The following VSIG10L2 variants were observed in gnomAD, a reference collection of about 807,000 sequenced individuals.
VSIG10L2 encodes the protein V-set and immunoglobulin domain-containing protein 10-like 2.
In VSIG10L2, 56 loss-of-function variants were observed where a neutral mutation model predicts 67.1. The observed-to-expected ratio is 0.83, with a 90% CI of 0.67 to 1.04. The LOEUF is 1.04. Among genes scored for constraint, VSIG10L2 ranks in the 50% least tolerant of loss-of-function variants. The probability of loss-of-function intolerance (pLI) is 0.00; values close to 1 mark genes in which losing one functional copy is unlikely to be tolerated. For missense variants in VSIG10L2, 843 were observed against 932.8 expected (o/e 0.90, Z 1.25); for synonymous variants, 360 against 396.6 (o/e 0.91, Z 1.10).
In VSIG10L2 at chr11:125,951,157, C is replaced by T. The variant is rs960228994; in HGVS notation, c.1233C>T (p.Leu411=). The change falls in exon 5 of 12, where the codon CTC becomes CTT. Residue 411 remains leucine (L), a splice_region_variant and synonymous_variant. Coordinates refer to ENST00000686984, the MANE Select transcript of VSIG10L2 (RefSeq NM_001365077.2). ...LAPPALCTVM[L]WEPLGRPTCW... is the part of the protein sequence containing the mutation. ...CGCCTGCCCTCTGCACAGTCATGCTCTGTGAGTGGACACAGGAAACCCCAG... is the reference window on the plus strand; with the variant it reads ...CGCCTGCCCTCTGCACAGTCATGCTTTGTGAGTGGACACAGGAAACCCCAG... 3 of 1,232,718 alleles carry T rather than the reference C, an allele frequency of 2.4e-6. No homozygotes were observed. In the African/African-American group the frequency reaches 4.7e-5, roughly 19 times the overall value. The allele number at this position is 1,232,718 out of a possible 1,614,324, so 76.4% of individuals were successfully genotyped here. A position where few individuals can be genotyped will look rare whatever the true frequency, so the allele number is the denominator to read the frequency against.
intron 8 of VSIG10L2, among the ~76,000 whole-genome samples, chr11:125,954,765 C>T (rs941372314): frequency 6.6e-6 from 1 of 152,220 alleles, no homozygotes; most frequent in South Asian, 2.1e-4. Context: ...CCTGATTTTA[C>T]GGCATGCTCC....
At chr11:125,954,009 A>T in intron 7 of VSIG10L2, 78 bp from the exon 8 acceptor site, 2 of 1,178,918 alleles carry the variant, frequency 1.7e-6, no homozygotes, top group Non-Finnish European at 2.1e-6. Flanking sequence ...CTGTCTCTTG[A>T]CAGGAGCAAA....
rs1945318543 is a variant in VSIG10L2 at position 125,947,918 on chromosome 11, C to T, written c.315C>T (p.Ser105=). 1 of 1,232,326 alleles carries T rather than the reference C, an allele frequency of 8.1e-7. No homozygotes were observed. Among genetic ancestry groups the T allele is most frequent in the Non-Finnish European group, 1.0e-6 (1 of 988,084 alleles). The allele number at this position is 1,232,326 out of a possible 1,614,324, so 76.3% of individuals were successfully genotyped here. Residue 105 remains serine (S), a synonymous_variant, in exon 2 of 12, where the codon AGC becomes AGT. Transcript: ENST00000686984. ...TGGGAGTCGTGAGTCTGAGGAACAG[C>T]AGCCTGGTGCTGGGGGAGCTTCACG... The part of the protein sequence containing the change: ...SALGVVSLRN[S]SLVLGELHEG...
In VSIG10L2 at chr11:125,946,855, T is replaced by C. The variant is rs367964338; in HGVS notation, c.82+718T>C. Among the ~76,000 whole-genome samples the C allele has an allele frequency of 8.5e-5, 13 of 152,308 alleles. No individual in the cohort carries two copies. In the East Asian group the frequency reaches 1.5e-3, roughly 18 times the overall value. On this transcript the variant is annotated intron_variant, in intron 1 of 11. Coordinates refer to ENST00000686984, the MANE Select transcript of VSIG10L2 (RefSeq NM_001365077.2). The surrounding 1 kb of genome is among the most constrained non-coding windows in gnomAD (Gnocchi z 4.4). ...GCCCGGCCCCAGAGACTTACTTTCA[T>C]GCAAATTTGCTGAGGTCCTCAGCAC...
At chr11:125,948,650 C>G (rs1301889051) in intron 3 of VSIG10L2, 70 bp downstream of exon 3, 1 of 1,222,456 alleles carries the variant, frequency 8.2e-7, no homozygotes, top group African/African-American at 1.6e-5. Flanking sequence ...CAGCCTTCCA[C>G]ACCTCAGAAC....
intron 7 of VSIG10L2, 67 bp downstream of exon 7, chr11:125,953,757 C>T (rs1027119953): frequency 3.3e-6 from 4 of 1,220,342 alleles, no homozygotes; most frequent in Non-Finnish European, 4.1e-6. Context: ...CCACAGAGTG[C>T]TTTAAGTGGA....
rs1034378541 is a variant in VSIG10L2, at chr11:125,951,129, C to T, written c.1205C>T (p.Ala402Val). The change falls in exon 5 of 12, where the codon GCA (alanine) becomes GTA (valine). Residue 402 changes from alanine to valine, a missense_variant. Around this residue, in one of 2 missense-constraint regions of VSIG10L2, gnomAD observed 446 missense variants for 548.4 expected, o/e 0.81. Coordinates refer to ENST00000686984, the MANE Select transcript of VSIG10L2 (RefSeq NM_001365077.2). ...TGCACTGGCCAGCACCCAGCCCTGG[C>T]ACCGCCTGCCCTCTGCACAGTCATG... The part of the protein sequence containing the change: ...FTCTGQHPAL[A>V]PPALCTVMLW... The T allele has an allele frequency of 2.0e-5, 25 of 1,232,996 alleles. No homozygotes were observed. In the Admixed American group the frequency reaches 7.2e-4, roughly 35 times the overall value. 76.4% of individuals were successfully genotyped at this position (1,232,996 alleles called of 1,614,324 possible).
Position 125,946,599 on chromosome 11 carries a change from G to A in VSIG10L2, c.82+462G>A, listed in dbSNP as rs569699101. On this transcript the variant is annotated intron_variant, in intron 1 of 11. Coordinates refer to ENST00000686984, the MANE Select transcript of VSIG10L2 (RefSeq NM_001365077.2). This position sits in a 1 kb window ranked among gnomAD's most constrained non-coding sequence, Gnocchi z 4.4. ...GTCACCCAGGCTGGAGTGCAGTGGT[G>A]TGATCTCGGCTCACTGCAACCTCTG... 5.3e-4 allele frequency among the ~76,000 whole-genome samples: 80 copies of A among 151,220 alleles called. No individual in the cohort carries two copies. Among genetic ancestry groups the A allele is most frequent in the Non-Finnish European group, 1.0e-3 (70 of 67,842 alleles).
At position 125,955,106 on chromosome 11, in the gene VSIG10L2, G is replaced by A. The variant is rs542417258; in HGVS notation, c.2133G>A (p.Thr711=). 427 of 1,238,944 alleles carry A rather than the reference G, an allele frequency of 3.4e-4. No individual in the cohort carries two copies. The highest frequency in any genetic ancestry group is 4.1e-4 in the Non-Finnish European group (404 of 992,386). 76.7% of individuals were successfully genotyped at this position (1,238,944 alleles called of 1,614,324 possible). A position where few individuals can be genotyped will look rare whatever the true frequency, so the allele number is the denominator to read the frequency against. ...CAGCGGTGTTGGGTGCAGCAGGCAC[G>A]GGAATGGTGGTAGCAACGGTGGCCT... ...AYPAVLGAAG[T]GMVVATVASL... The change falls in exon 9 of 12, where the codon ACG becomes ACA. Residue 711 remains threonine (T), a synonymous_variant. Coordinates refer to ENST00000686984, the MANE Select transcript of VSIG10L2 (RefSeq NM_001365077.2).
chr11:125,948,104 C>G, intron 2 of VSIG10L2, 68 bp downstream of exon 2: 1 of 1,232,184 alleles, frequency 8.1e-7, no homozygotes, highest in Non-Finnish European at 1.0e-6. Context: ...GTGTGCTGCC[C>G]ATTCCCTTTG....
At chr11:125,952,937 G>A (rs1202136029) in intron 6 of VSIG10L2, among the ~76,000 whole-genome samples, 1 of 152,134 alleles carries the variant, frequency 6.6e-6, no homozygotes, top group East Asian at 1.9e-4. Flanking sequence ...TCTCAGGACC[G>A]GAAATTCCAT....
At position 125,950,036 on chromosome 11, in the gene VSIG10L2, C is replaced by T. The variant is rs981057858; in HGVS notation, c.732C>T (p.Ile244=). ...DVIYGPDKPV[I]TMEPLGLTEE... ...CAGATGGTCCTGACAAGCCTGTGAT[C>T]ACCATGGAGCCGCTGGGACTCACTG... The change falls in exon 4 of 12, where the codon ATC becomes ATT. Residue 244 remains isoleucine (I), a synonymous_variant. Transcript: ENST00000686984. 4 of 1,232,332 alleles carry T rather than the reference C, an allele frequency of 3.2e-6. No individual in the cohort carries two copies. Among genetic ancestry groups the T allele is most frequent in the Non-Finnish European group, 4.0e-6 (4 of 988,088 alleles). 76.3% of individuals were successfully genotyped at this position (1,232,332 alleles called of 1,614,324 possible).
intron 7 of VSIG10L2, among the ~76,000 whole-genome samples, 160 bp downstream of exon 7, chr11:125,953,850 C>T (rs1945412215): frequency 6.6e-6 from 1 of 152,218 alleles, no homozygotes; most frequent in Non-Finnish European, 1.5e-5. Flanking sequence ...AGATGGGCAA[C>T]ATGCGCGTGA....
Position 125,955,171 on chromosome 11 carries a change from C to T in VSIG10L2, c.2198C>T (p.Thr733Ile). 8.0e-7 allele frequency: 1 copy of T among 1,250,360 alleles called. No homozygotes were observed. The highest frequency in any genetic ancestry group is 1.5e-5 in the African/African-American group (1 of 64,906). The allele number at this position is 1,250,360 out of a possible 1,614,324, so 77.5% of individuals were successfully genotyped here. Residue 733 changes from threonine to isoleucine, a missense_variant, in exon 9 of 12, where the codon ACT becomes ATT. Thr to Ile is a moderately conservative substitution (Grantham distance 89). This residue lies in a region of VSIG10L2 where 397 missense variants were observed against 384.4 expected (regional missense o/e 1.03). Transcript: ENST00000686984. ...CAGTATGCTGCCCGGCACCCAGAGACTTTCCCCCGTGAGTGGGAATCGGAA... is the reference window on the plus strand; with the variant it reads ...CAGTATGCTGCCCGGCACCCAGAGATTTTCCCCCGTGAGTGGGAATCGGAA... ...VFQYAARHPETFPRLGQLLVP... is the reference protein window; with the variant it reads ...VFQYAARHPEIFPRLGQLLVP...
intron 3 of VSIG10L2, among the ~76,000 whole-genome samples, chr11:125,949,280 T>A (rs1026870090): frequency 7.6e-5 from 10 of 131,426 alleles, no homozygotes; most frequent in African/African-American, 2.9e-4. Flanking sequence ...TCGGGTTTGG[T>A]CATTTTTACG....
At chr11:125,954,694 C>A (rs1022954082) in intron 8 of VSIG10L2, among the ~76,000 whole-genome samples, 14 of 152,186 alleles carry the variant, frequency 9.2e-5, no homozygotes, top group Non-Finnish European at 1.2e-4. Flanking sequence ...GCCTCAGTCT[C>A]CCCTCCAGGG....
In VSIG10L2 at chr11:125,955,223, T is replaced by TG. The variant is rs1945444433; in HGVS notation, c.2206+46dup. ...GGACGGGCTGCTTGACCCCACAGGG[T>TG]GGCCAGGCCCTGACCTATCCAAAGG... On this transcript the variant is annotated intron_variant, in intron 9 of 11. Transcript: ENST00000686984. 2.4e-6 allele frequency: 3 copies of TG among 1,259,532 alleles called. No homozygotes were observed. The Admixed American group carries it at 1.1e-4, about 48-fold the overall frequency. 78.0% of individuals were successfully genotyped at this position (1,259,532 alleles called of 1,614,324 possible). A position where few individuals can be genotyped will look rare whatever the true frequency, so the allele number is the denominator to read the frequency against.
In VSIG10L2 at chr11:125,956,240, T is replaced by A; in HGVS notation, c.*326T>A. 1.9e-6 allele frequency: 1 copy of A among 522,428 alleles called. No homozygotes were observed. The highest frequency in any genetic ancestry group is 3.7e-6 in the Non-Finnish European group (1 of 273,062). 32.4% of individuals were successfully genotyped at this position (522,428 alleles called of 1,614,324 possible). On this transcript the variant is annotated 3_prime_UTR_variant, in exon 12 of 12. Transcript: ENST00000686984. Reference sequence around the variant, plus strand: ...AAGGATCTGTGGTGCTATAGAAGTATGAGCAAGCTAGCTGCTTCCAGAAAA... The same window carrying A: ...AAGGATCTGTGGTGCTATAGAAGTAAGAGCAAGCTAGCTGCTTCCAGAAAA...
chr11:125,955,575 G>C (rs956057319), intron 10 of VSIG10L2, 40 bp from the exon 11 acceptor site: 2 of 1,498,712 alleles, frequency 1.3e-6, no homozygotes, highest in South Asian at 2.4e-5. Flanking sequence ...AGCGAGGGAA[G>C]TGAGTTGCCA....
Sources: gnomAD v4.1 joint callset for allele counts (sites outside exome capture counted in the v4.1 genomes callset) on GRCh38, gnomAD v4.1.1 for gene constraint, gnomAD v4.1.1 regional missense constraint, Gnocchi (gnomAD v3.1) non-coding constraint, MANE v1.5 for transcripts, NCBI Gene and HGNC (gene_info 2026-07-23, HGNC 2026-07-21) for gene names.